SSH2: variants seen among roughly 807,000 people sequenced by gnomAD.
SSH2 encodes the protein slingshot protein phosphatase 2.
Under a neutral mutation model 135.2 loss-of-function variants are expected in SSH2, and 37 were observed. The ratio of observed to expected loss-of-function variants is 0.27; its 90% CI spans 0.21 to 0.36. The LOEUF (loss-of-function observed/expected upper bound fraction) is 0.36, where lower values mean the gene tolerates loss of function less well. Among genes scored for constraint, SSH2 ranks in the 10% least tolerant of loss-of-function variants. SSH2 has a pLI of 1.00. For missense variants in SSH2, 1,408 were observed against 1,765.3 expected (o/e 0.80, Z 3.63); for synonymous variants, 628 against 646.2 (o/e 0.97, Z 0.43).
intron 2 of SSH2, among the ~76,000 whole-genome samples, chr17:29,815,245 T>TC (rs2042536419): frequency 1.3e-5 from 2 of 150,084 alleles, no homozygotes; most frequent in Non-Finnish European, 3.0e-5. Context: ...TGCCTCAGCC[T>TC]CCCGAGTAGC....
intron 3 of SSH2, among the ~76,000 whole-genome samples, chr17:29,737,638 A>T (rs1196612289): frequency 6.6e-6 from 1 of 152,338 alleles, no homozygotes; most frequent in South Asian, 2.1e-4. Flanking sequence ...AATCTCTTTG[A>T]ACCTCAATCT....
At chr17:29,893,451 C>T (rs1256139121) in intron 1 of SSH2, among the ~76,000 whole-genome samples, 1 of 152,092 alleles carries the variant, frequency 6.6e-6, no homozygotes, top group Non-Finnish European at 1.5e-5. Context: ...TGACCTTATA[C>T]AAGAAGTGCC....
rs150769196 is a variant in SSH2, at chr17:29,676,545, G to A, written c.614+275C>T. 2.4e-3 allele frequency: 785 copies of A among 330,814 alleles called. 4 individuals carry two copies. The highest frequency in any genetic ancestry group is 0.013 in the African/African-American group (597 of 46,308). 20.5% of individuals were successfully genotyped at this position (330,814 alleles called of 1,614,324 possible). A position where few individuals can be genotyped will look rare whatever the true frequency, so the allele number is the denominator to read the frequency against. ...AGTCAATATGTCCCTAATAAAACTCGGTATCAACTGGCTTATCTAAACCGT... is the reference window on the plus strand; with the variant it reads ...AGTCAATATGTCCCTAATAAAACTCAGTATCAACTGGCTTATCTAAACCGT... On this transcript the variant is annotated intron_variant, in intron 8 of 15. Transcript: ENST00000540801.
At chr17:29,768,478 C>T (rs2041499509) in intron 3 of SSH2, among the ~76,000 whole-genome samples, 1 of 151,892 alleles carries the variant, frequency 6.6e-6, no homozygotes, top group Non-Finnish European at 1.5e-5. Context: ...TGCCATGTTG[C>T]CCAGGCTGGT....
intron 3 of SSH2, among the ~76,000 whole-genome samples, chr17:29,789,502 G>T (rs1429229867): frequency 6.6e-6 from 1 of 152,216 alleles, no homozygotes; most frequent in Admixed American, 6.5e-5. Context: ...TATCCTTCAA[G>T]AAAGGGGAAG....
At chr17:29,734,517 A>G (rs949885335) in intron 3 of SSH2, among the ~76,000 whole-genome samples, 1 of 152,224 alleles carries the variant, frequency 6.6e-6, no homozygotes, top group African/African-American at 2.4e-5. Context: ...AGCCTAGGGC[A>G]GTGGTCTTCA....
chr17:29,831,265 A>G (rs2042839889), intron 2 of SSH2, among the ~76,000 whole-genome samples: 1 of 152,142 alleles, frequency 6.6e-6, no homozygotes, highest in Non-Finnish European at 1.5e-5. Context: ...CATAACCTAT[A>G]CGCTACTCAG....
At chr17:29,896,906 C>G (rs2066455900) in intron 1 of SSH2, among the ~76,000 whole-genome samples, 1 of 151,672 alleles carries the variant, frequency 6.6e-6, no homozygotes, top group Non-Finnish European at 1.5e-5. Flanking sequence ...TTATCATATT[C>G]CAGACACTAA....
chr17:29,811,458 T>C (rs761471158), intron 2 of SSH2, among the ~76,000 whole-genome samples: 7 of 152,164 alleles, frequency 4.6e-5, no homozygotes, highest in Non-Finnish European at 1.0e-4. Flanking sequence ...TTTCATTTAA[T>C]AATCACTTTT....
chr17:29,826,818 G>C (rs1386134265), intron 2 of SSH2, among the ~76,000 whole-genome samples: 1 of 152,170 alleles, frequency 6.6e-6, no homozygotes, highest in Non-Finnish European at 1.5e-5. Flanking sequence ...TGACCAGCCT[G>C]ACATGGGTCT....
chr17:29,631,364 T>C lies in SSH2; in HGVS notation c.3830A>G (p.Lys1277Arg). The C allele has an allele frequency of 6.2e-7, 1 of 1,614,120 alleles. No homozygotes were observed. The highest frequency in any genetic ancestry group is 1.7e-5 in the Admixed American group (1 of 60,004). Residue 1277 changes from lysine (K) to arginine (R), a missense_variant, in exon 16 of 16, where the codon AAA (lysine) becomes AGA (arginine). Around this residue, in one of 3 missense-constraint regions of SSH2, gnomAD observed 1,080 missense variants for 1,144.5 expected, o/e 0.94. Transcript: ENST00000540801. ...SRVVFQAGLT[K>R]PSQMRRSASL... is the part of the protein sequence containing the mutation. ...AGCTGAGCGCCTCATTTGGGATGGT[T>C]TGGTGAGCCCTGCCTGGAAAACCAC...
At chr17:29,761,363 G>C (rs1323822631) in intron 3 of SSH2, 1 of 1,074,090 alleles carries the variant, frequency 9.3e-7, no homozygotes, top group Non-Finnish European at 1.1e-6. Context: ...ACCCGGCGGC[G>C]GAGGCGGGCC....
At chr17:29,669,408 A>G (rs1001934363) in intron 9 of SSH2, among the ~76,000 whole-genome samples, 1 of 152,220 alleles carries the variant, frequency 6.6e-6, no homozygotes, top group African/African-American at 2.4e-5. Flanking sequence ...CAAAATATAA[A>G]TTATTCACAG....
intron 3 of SSH2, among the ~76,000 whole-genome samples, chr17:29,733,587 A>T (rs573257133): frequency 6.6e-6 from 1 of 152,300 alleles, no homozygotes; most frequent in African/African-American, 2.4e-5. Context: ...TATAAAGGTA[A>T]TATTTTGAAT....
rs1034995633 is a variant in SSH2, at chr17:29,814,166, T to A, written c.145-20229A>T. 3.1e-5 allele frequency among the ~76,000 whole-genome samples: 4 copies of A among 129,446 alleles called. No individual in the cohort carries two copies. The Admixed American group carries it at 3.3e-4, about 11-fold the overall frequency. The allele number at this position is 129,446 out of a possible 152,430, so 84.9% of individuals were successfully genotyped here. A position where few individuals can be genotyped will look rare whatever the true frequency, so the allele number is the denominator to read the frequency against. On this transcript the variant is annotated intron_variant, in intron 2 of 15. Transcript: ENST00000540801. ...AAAAAAAAAAAAAGGCCGGGCACGG[T>A]GGCTCATGCCTGTAATTCCAGCACT...
At chr17:29,843,573 A>G (rs1599078042) in intron 2 of SSH2, among the ~76,000 whole-genome samples, 1 of 151,794 alleles carries the variant, frequency 6.6e-6, no homozygotes, top group Admixed American at 6.6e-5. Context: ...AAAAAAAAAA[A>G]ATTACTATAG....
chr17:29,882,243 T>G (rs1221901777), intron 1 of SSH2, among the ~76,000 whole-genome samples: 2 of 152,204 alleles, frequency 1.3e-5, no homozygotes, highest in African/African-American at 2.4e-5. Context: ...CCAAAACCTT[T>G]CAAAAACTCA....
chr17:29,794,746 T>C (rs955189881), intron 2 of SSH2, among the ~76,000 whole-genome samples: 2 of 152,178 alleles, frequency 1.3e-5, no homozygotes, highest in Non-Finnish European at 2.9e-5. Flanking sequence ...AAAAGGGAAA[T>C]AAGCTGTCCA....
At chr17:29,870,974 T>A (rs549047937) in intron 1 of SSH2, among the ~76,000 whole-genome samples, 3 of 152,332 alleles carry the variant, frequency 2.0e-5, no homozygotes, top group Admixed American at 2.0e-4. Flanking sequence ...GACTCTTCTA[T>A]ATATGACAAC....
Sources: gnomAD v4.1 joint callset for allele counts (sites outside exome capture counted in the v4.1 genomes callset) on GRCh38, gnomAD v4.1.1 for gene constraint, gnomAD v4.1.1 regional missense constraint, MANE v1.5 for transcripts, NCBI Gene and HGNC (gene_info 2026-07-23, HGNC 2026-07-21) for gene names.